COLEC11: variants seen among roughly 807,000 people sequenced by gnomAD.
COLEC11 encodes the protein collectin subfamily member 11.
In COLEC11, 20 loss-of-function variants were observed where a neutral mutation model predicts 27.3. The observed-to-expected ratio is 0.73, with a 90% CI of 0.51 to 1.06. The LOEUF (loss-of-function observed/expected upper bound fraction) is 1.06. Ranked by LOEUF, COLEC11 falls within the 50% of genes least tolerant of loss-of-function variation. COLEC11 has a pLI of 0.00. For missense variants in COLEC11, 310 were observed against 383.0 expected, an observed-to-expected ratio of 0.81 and a Z score of 1.59; for synonymous variants, 163 against 154.7, an observed-to-expected ratio of 1.05 and a Z score of -0.40.
chr2:3,617,870 T>C, intron 3 of COLEC11: 1 of 566,262 alleles, frequency 1.8e-6, no homozygotes, highest in Non-Finnish European at 3.2e-6. Context: ...TTTTGACTTT[T>C]TGATACCAGC....
chr2:3,622,307 GA>G (rs1664242033), intron 3 of COLEC11, among the ~76,000 whole-genome samples: 1 of 152,182 alleles, frequency 6.6e-6, no homozygotes, highest in Non-Finnish European at 1.5e-5. Flanking sequence ...CAGCCTGGGT[GA>G]GAGAGTGAAA....
chr2:3,633,638 G>A (rs889011342), intron 3 of COLEC11, among the ~76,000 whole-genome samples: 7 of 152,126 alleles, frequency 4.6e-5, no homozygotes, highest in East Asian at 3.9e-4. Flanking sequence ...TGACCGACGG[G>A]GGAGCGGCGT....
At chr2:3,604,952 A>G in intron 2 of COLEC11, 1 of 430,872 alleles carries the variant, frequency 2.3e-6, no homozygotes, top group Non-Finnish European at 4.7e-6. Flanking sequence ...AGGGGAAAAA[A>G]AAAAGACAGG....
chr2:3,643,372 A>AG, intron 5 of COLEC11, 72 bp from the exon 6 acceptor site: 1 of 1,251,098 alleles, frequency 8.0e-7, no homozygotes, highest in Non-Finnish European at 1.2e-6. Flanking sequence ...ATTTCCGGGG[A>AG]GGGGTCCTCG....
chr2:3,602,520 T>C lies in COLEC11; in HGVS notation c.-26-1795T>C, dbSNP rs1435278746. Among the ~76,000 whole-genome samples, 1 of 152,130 alleles carries C rather than the reference T, an allele frequency of 6.6e-6. No individual in the cohort carries two copies. Reference sequence around the variant, plus strand: ...CAGACTGCATCCCATACCTCTGTCATCACCTCCACCCACACGTGGGGTCCA... The same window carrying C: ...CAGACTGCATCCCATACCTCTGTCACCACCTCCACCCACACGTGGGGTCCA... On this transcript the variant is annotated intron_variant, in intron 1 of 6. Transcript: ENST00000349077. The surrounding 1 kb of genome is among the most constrained non-coding windows in gnomAD (Gnocchi z 6.2).
intron 3 of COLEC11, among the ~76,000 whole-genome samples, chr2:3,615,118 T>C (rs1196216881): frequency 7.2e-5 from 7 of 97,760 alleles, no homozygotes; most frequent in African/African-American, 2.2e-4. Flanking sequence ...CTTTTTTTTT[T>C]AAAGGGATTT....
intron 2 of COLEC11, chr2:3,605,118 G>A (rs1193249851): frequency 1.3e-5 from 6 of 469,332 alleles, no homozygotes; most frequent in South Asian, 9.4e-5. Flanking sequence ...CTACAAAGCA[G>A]AGGCAACAGG....
chr2:3,621,611 G>T (rs749269090), intron 3 of COLEC11, among the ~76,000 whole-genome samples: 4 of 152,126 alleles, frequency 2.6e-5, no homozygotes, highest in African/African-American at 7.2e-5. Flanking sequence ...TAGATCCTTT[G>T]TTTCCTTCTT....
At chr2:3,603,552 G>C in intron 1 of COLEC11, 1 of 1,172,518 alleles carries the variant, frequency 8.5e-7, no homozygotes, top group Non-Finnish European at 1.2e-6. Context: ...CCCGACTTTA[G>C]GTGATCTGCC....
intron 3 of COLEC11, among the ~76,000 whole-genome samples, chr2:3,615,719 G>T (rs1370827775): frequency 6.6e-6 from 1 of 151,630 alleles, no homozygotes. Flanking sequence ...GGGCGGCTGG[G>T]CAGAGGCGCC....
rs982568460 is a variant in COLEC11, at chr2:3,644,151, A to G, written c.*33A>G. ...GCTGGGGCTGCCCATTGGGGGCCCC[A>G]CATGTCCCTGCAGGGTTGGCAGGGA... is the stretch of plus-strand genomic sequence containing the variant. On this transcript the variant is annotated 3_prime_UTR_variant, in exon 7 of 7. Coordinates refer to ENST00000349077, the MANE Select transcript of COLEC11 (RefSeq NM_024027.5). 25 of 1,602,052 alleles carry G rather than the reference A, an allele frequency of 1.6e-5. No individual in the cohort carries two copies. In the African/African-American group the frequency reaches 2.1e-4, roughly 14 times the overall value.
chr2:3,606,226 T>C, intron 2 of COLEC11: 1 of 1,550,520 alleles, frequency 6.4e-7, no homozygotes, highest in Non-Finnish European at 8.7e-7. Context: ...TACGGTTGTC[T>C]TCCCTGCGCC....
At chr2:3,618,821 T>G (rs1663971244) in intron 3 of COLEC11, among the ~76,000 whole-genome samples, 1 of 152,216 alleles carries the variant, frequency 6.6e-6, no homozygotes, top group African/African-American at 2.4e-5. Context: ...AACAGATATT[T>G]TTTCCATTTA....
intron 3 of COLEC11, among the ~76,000 whole-genome samples, chr2:3,619,517 A>G (rs1035532173): frequency 2.0e-5 from 3 of 152,222 alleles, no homozygotes; most frequent in East Asian, 1.9e-4. Context: ...TTCAGCATCT[A>G]CTGATGATAA....
chr2:3,597,514 C>G (rs1661933245), intron 1 of COLEC11, among the ~76,000 whole-genome samples: 1 of 152,190 alleles, frequency 6.6e-6, no homozygotes, highest in Non-Finnish European at 1.5e-5. Flanking sequence ...CTACTCACCC[C>G]TTTTCTTGGG....
chr2:3,629,639 GT>G (rs1332667613), intron 3 of COLEC11, among the ~76,000 whole-genome samples: 4 of 151,704 alleles, frequency 2.6e-5, no homozygotes, highest in African/African-American at 9.7e-5. Flanking sequence ...TGCATATAGC[GT>G]GTGTGTGAAT....
intron 2 of COLEC11, chr2:3,605,771 G>A (rs1220068042): frequency 1.2e-5 from 3 of 255,246 alleles, no homozygotes; most frequent in Non-Finnish European, 2.3e-5. Context: ...CACCACGAAA[G>A]ACAAACCCTG....
intron 3 of COLEC11, among the ~76,000 whole-genome samples, chr2:3,616,787 G>T (rs1223789933): frequency 1.3e-5 from 2 of 152,086 alleles, no homozygotes; most frequent in Non-Finnish European, 2.9e-5. Context: ...GAGAGGGAGA[G>T]GGAGACCGTG....
chr2:3,617,044 A>T (rs79701910), intron 3 of COLEC11, among the ~76,000 whole-genome samples: 13,409 of 151,970 alleles, frequency 0.088, 738 homozygotes, highest in East Asian at 0.33. Context: ...AACTGTAGGG[A>T]TCTCTTCAAG....
Sources: gnomAD v4.1 joint callset for allele counts (sites outside exome capture counted in the v4.1 genomes callset) on GRCh38, gnomAD v4.1.1 for gene constraint, Gnocchi (gnomAD v3.1) non-coding constraint, MANE v1.5 for transcripts, NCBI Gene and HGNC (gene_info 2026-07-23, HGNC 2026-07-21) for gene names.